Variants in ADCY5 observed in about 807,000 individuals in gnomAD.
ADCY5 encodes the protein adenylate cyclase 5.
A neutral mutation model predicts 119.7 loss-of-function variants in ADCY5; 30 were observed. That is an observed-to-expected ratio of 0.25 (90% confidence interval 0.19 to 0.34). The LOEUF (loss-of-function observed/expected upper bound fraction) is 0.34. Ranked by LOEUF, ADCY5 falls within the 10% of genes least tolerant of loss-of-function variation. The pLI is 1.00. For synonymous variants in ADCY5, 753 were observed against 762.2 expected (o/e 0.99, Z 0.20); for missense variants, 1,324 against 1,775.2 (o/e 0.75, Z 4.57).
At chr3:123,426,095 T>C (rs969410556) in intron 1 of ADCY5, among the ~76,000 whole-genome samples, 6 of 151,816 alleles carry the variant, frequency 4.0e-5, no homozygotes, top group East Asian at 1.9e-4. Flanking sequence ...TCATCACAGG[T>C]AATGCTCTAC....
In ADCY5 at chr3:123,352,105, G is replaced by T. The variant is rs1482638896; in HGVS notation, c.1284+327C>A. Among the ~76,000 whole-genome samples the T allele has an allele frequency of 2.0e-5, 3 of 152,152 alleles. No homozygotes were observed. The highest frequency in any genetic ancestry group is 7.2e-5 in the African/African-American group (3 of 41,442). On this transcript the variant is annotated intron_variant, in intron 2 of 20. Coordinates refer to ENST00000462833, the MANE Select transcript of ADCY5 (RefSeq NM_183357.3). The surrounding 1 kb of genome is among the most constrained non-coding windows in gnomAD (Gnocchi z 4.8). Reference sequence around the variant, plus strand: ...CAAGGCGGGGTGCAGTGCGGGGAGGGAGTGGTGAGCAGTGTGGGGAAGGAG... The same window carrying T: ...CAAGGCGGGGTGCAGTGCGGGGAGGTAGTGGTGAGCAGTGTGGGGAAGGAG...
At chr3:123,421,494 T>C (rs992193884) in intron 1 of ADCY5, among the ~76,000 whole-genome samples, 3 of 152,202 alleles carry the variant, frequency 2.0e-5, no homozygotes, top group Non-Finnish European at 4.4e-5. Flanking sequence ...TCATGACACC[T>C]AGTCCTAAAT....
intron 1 of ADCY5, among the ~76,000 whole-genome samples, chr3:123,406,783 C>A (rs1944914339): frequency 6.6e-6 from 1 of 152,142 alleles, no homozygotes; most frequent in African/African-American, 2.4e-5. Context: ...CTCCACCCAG[C>A]TGGACTCCTA....
At chr3:123,439,574 T>C (rs1413474126) in intron 1 of ADCY5, among the ~76,000 whole-genome samples, 2 of 152,190 alleles carry the variant, frequency 1.3e-5, no homozygotes, top group African/African-American at 4.8e-5. Flanking sequence ...AGTATAGATA[T>C]ACAGGAAAAA....
rs781664843 is a variant in ADCY5 at position 123,352,399 on chromosome 3, G to A, written c.1284+33C>T. 1.6e-5 allele frequency: 25 copies of A among 1,593,634 alleles called. No individual in the cohort carries two copies. The highest frequency in any genetic ancestry group is 6.7e-5 in the South Asian group (6 of 89,270). ...GAGGTACATCTCAGGGCTCGACTCC[G>A]TCCCACTGTGCAAGGGCAGGGGCCT... is the stretch of plus-strand genomic sequence containing the variant. On this transcript the variant is annotated intron_variant, in intron 2 of 20. Coordinates refer to ENST00000462833, the MANE Select transcript of ADCY5 (RefSeq NM_183357.3). The surrounding 1 kb of genome is among the most constrained non-coding windows in gnomAD (Gnocchi z 4.8).
chr3:123,323,598 G>T (rs189999495), intron 8 of ADCY5, among the ~76,000 whole-genome samples: 16 of 151,064 alleles, frequency 1.1e-4, no homozygotes, highest in African/African-American at 3.7e-4. Flanking sequence ...CCTCTCTCTC[G>T]GCTCTCCTGC....
intron 1 of ADCY5, among the ~76,000 whole-genome samples, chr3:123,393,577 A>AAAT (rs1027888864): frequency 2.7e-5 from 4 of 150,890 alleles, no homozygotes; most frequent in African/African-American, 4.9e-5. Flanking sequence ...AAATAAAATA[A>AAAT]AATAAAATAA....
At chr3:123,430,476 AAGG>A in intron 1 of ADCY5, among the ~76,000 whole-genome samples, 1 of 152,306 alleles carries the variant, frequency 6.6e-6, no homozygotes, top group East Asian at 1.9e-4. Flanking sequence ...GGCCTCGGAG[AAGG>A]AGGACCGAAA....
intron 1 of ADCY5, among the ~76,000 whole-genome samples, chr3:123,371,428 C>G (rs1943637219): frequency 6.6e-6 from 1 of 152,206 alleles, no homozygotes; most frequent in Non-Finnish European, 1.5e-5. Context: ...CTGAGAGCTC[C>G]AACCAGTCGA....
intron 1 of ADCY5, among the ~76,000 whole-genome samples, chr3:123,424,465 C>T (rs1041425801): frequency 3.9e-5 from 6 of 152,120 alleles, no homozygotes; most frequent in African/African-American, 1.4e-4. Context: ...CTCAGAGGTC[C>T]CAATTCCCCA....
In ADCY5 at chr3:123,296,215, G is replaced by A. The variant is rs1322314130; in HGVS notation, c.2932C>T (p.Pro978Ser). Residue 978 changes from proline (P) to serine (S), a missense_variant and splice_region_variant, in exon 17 of 21, where the codon CCT becomes TCT. Physicochemically the swap from Pro to Ser is moderately conservative, Grantham distance 74 (BLOSUM62 -1). Around this residue, in one of 6 missense-constraint regions of ADCY5, gnomAD observed 424 missense variants for 546.8 expected, o/e 0.78. Transcript: ENST00000462833. ...AATGCCACCTTGGTTGCATGCTCAG[G>A]GCTGTGGGGAGGTGGTGGACAGGCC... is the stretch of plus-strand genomic sequence containing the variant. ...DFFNNGTSQC[P>S]EHATKVALKV... is the part of the protein sequence containing the mutation. 6.2e-7 allele frequency: 1 copy of A among 1,613,652 alleles called. No homozygotes were observed. Among genetic ancestry groups the A allele is most frequent in the Admixed American group, 1.7e-5 (1 of 60,002 alleles).
chr3:123,322,937 A>G (rs1475123397), intron 8 of ADCY5, among the ~76,000 whole-genome samples: 1 of 152,094 alleles, frequency 6.6e-6, no homozygotes, highest in African/African-American at 2.4e-5. Flanking sequence ...GTTTCTCATA[A>G]AACTCATCCA....
Position 123,310,103 on chromosome 3 carries a change from T to TACACACACACACACACACACACACACAC in ADCY5, c.2442+4104_2442+4131dup, listed in dbSNP as rs60966110. Among the ~76,000 whole-genome samples, 88 of 121,210 alleles carry TACACACACACACACACACACACACACAC rather than the reference T, an allele frequency of 7.3e-4. 5 individuals are homozygous for TACACACACACACACACACACACACACAC. The East Asian group carries it at 0.013, about 19-fold the overall frequency. 79.5% of individuals were successfully genotyped at this position (121,210 alleles called of 152,430 possible). A position where few individuals can be genotyped will look rare whatever the true frequency, so the allele number is the denominator to read the frequency against. ...GGCTGGGGGATAAGAGAGAGAGATT[T>TACACACACACACACACACACACACACAC]ACACACACACACACACACACACACA... On this transcript the variant is annotated intron_variant, in intron 12 of 20. Transcript: ENST00000462833.
intron 3 of ADCY5, among the ~76,000 whole-genome samples, chr3:123,335,101 C>T (rs373259320): frequency 3.9e-5 from 6 of 152,184 alleles, no homozygotes; most frequent in African/African-American, 1.2e-4. Context: ...CCCCTGCCCT[C>T]GCCACCCCAG....
chr3:123,378,793 T>C (rs1943929503), intron 1 of ADCY5, among the ~76,000 whole-genome samples: 1 of 152,228 alleles, frequency 6.6e-6, no homozygotes, highest in Non-Finnish European at 1.5e-5. Context: ...TGTCATTAAT[T>C]ATGTCTCTTC....
chr3:123,448,479 G>C lies in ADCY5; in HGVS notation c.67C>G (p.Arg23Gly), dbSNP rs1209746484. 11 of 1,269,458 alleles carry C rather than the reference G, an allele frequency of 8.7e-6. No individual in the cohort carries two copies. In the African/African-American group the frequency reaches 1.5e-4, roughly 18 times the overall value. 78.6% of individuals were successfully genotyped at this position (1,269,458 alleles called of 1,614,324 possible). Residue 23 changes from arginine (R) to glycine (G), a missense_variant, in exon 1 of 21, where the codon CGG becomes GGG. Physicochemically the swap from Arg to Gly is moderately radical, Grantham distance 125. Coordinates refer to ENST00000462833, the MANE Select transcript of ADCY5 (RefSeq NM_183357.3). ...AAQKTAAPAP[R>G]GGPEHRSAWG... ...GCAGAGCGGTGTTCGGGGCCTCCCC[G>C]GGGCGCCGGCGCCGCAGTCTTCTGC...
At chr3:123,284,834 G>GC in intron 20 of ADCY5, 98 bp from the exon 21 acceptor site, 1 of 1,509,858 alleles carries the variant, frequency 6.6e-7, no homozygotes, top group Non-Finnish European at 9.1e-7. Flanking sequence ...CCCTGTTGCC[G>GC]CCCCTGACAC....
chr3:123,321,922 G>A lies in ADCY5; in HGVS notation c.2089-1151C>T, dbSNP rs1941240339. Reference sequence around the variant, plus strand: ...CAACTATAGGCTCTGAGCTCCTCCCGGGCTGCCAGCACCGGCCCAGGATGG... The same window carrying A: ...CAACTATAGGCTCTGAGCTCCTCCCAGGCTGCCAGCACCGGCCCAGGATGG... On this transcript the variant is annotated intron_variant, in intron 8 of 20. Transcript: ENST00000462833. Among the ~76,000 whole-genome samples, 4 of 152,250 alleles carry A rather than the reference G, an allele frequency of 2.6e-5. No homozygotes were observed. In the South Asian group the frequency reaches 8.3e-4, roughly 32 times the overall value.
intron 1 of ADCY5, among the ~76,000 whole-genome samples, chr3:123,396,789 GGC>G: frequency 9.8e-6 from 1 of 102,514 alleles, no homozygotes; most frequent in African/African-American, 3.6e-5. Context: ...AAGGCAGGCA[GGC>G]AGGCAGGCAG....
Sources: allele counts gnomAD v4.1 joint callset (sites outside exome capture counted in the v4.1 genomes callset), GRCh38; gene constraint gnomAD v4.1.1; regional missense constraint gnomAD v4.1.1; non-coding constraint Gnocchi (gnomAD v3.1); transcripts MANE v1.5; gene names NCBI Gene and HGNC (gene_info 2026-07-23, HGNC 2026-07-21).